The following PPP1R12A variants were observed in gnomAD, a reference collection of about 807,000 sequenced individuals.
PPP1R12A encodes the protein myosin binding subunit.
A neutral mutation model predicts 139.6 loss-of-function variants in PPP1R12A; 19 were observed. That is an observed-to-expected ratio of 0.14 (90% CI 0.09 to 0.20). PPP1R12A has a LOEUF of 0.20. Ranked by LOEUF, PPP1R12A falls within the 10% of genes least tolerant of loss-of-function variation. PPP1R12A has a pLI of 1.00. For missense variants in PPP1R12A, 925 were observed against 1,211.5 expected (o/e 0.76, Z 3.51); for synonymous variants, 427 against 420.6 (o/e 1.02, Z -0.19).
chr12:79,832,359 G>A lies in PPP1R12A; in HGVS notation c.620C>T (p.Ala207Val). Residue 207 changes from alanine (A) to valine (V), a missense_variant, in exon 4 of 25, where the codon GCT becomes GTT. Around this residue, in one of 4 missense-constraint regions of PPP1R12A, gnomAD observed 199 missense variants for 352.4 expected, o/e 0.56. Coordinates refer to ENST00000450142, the MANE Select transcript of PPP1R12A (RefSeq NM_002480.3). ...TAAAACTTCCGTATAGCCTTTAGCA[G>A]CTGCAACGTGAAGTGCTGTACCTCC... is the stretch of plus-strand genomic sequence containing the variant. ...KSGGTALHVAAAKGYTEVLKL... is the reference protein window; with the variant it reads ...KSGGTALHVAVAKGYTEVLKL... The A allele has an allele frequency of 6.2e-7, 1 of 1,612,034 alleles. No homozygotes were observed. The highest frequency in any genetic ancestry group is 8.5e-7 in the Non-Finnish European group (1 of 1,179,264).
At position 79,820,668 on chromosome 12, in the gene PPP1R12A, A is replaced by G; in HGVS notation, c.1114+106T>C. Reference sequence around the variant, plus strand: ...TAATTTAGTAGTGTGGCAGGTATCTAAACAAGTAGCAAATCAGTCTGAAAA... The same window carrying G: ...TAATTTAGTAGTGTGGCAGGTATCTGAACAAGTAGCAAATCAGTCTGAAAA... On this transcript the variant is annotated intron_variant, in intron 8 of 24. Transcript: ENST00000450142. 3 of 1,196,034 alleles carry G rather than the reference A, an allele frequency of 2.5e-6. No individual in the cohort carries two copies. In the South Asian group the frequency reaches 4.5e-5, roughly 18 times the overall value. The allele number at this position is 1,196,034 out of a possible 1,614,324, so 74.1% of individuals were successfully genotyped here. A position where few individuals can be genotyped will look rare whatever the true frequency, so the allele number is the denominator to read the frequency against.
intron 5 of PPP1R12A, chr12:79,825,645 C>T (rs529317528): frequency 6.6e-6 from 1 of 151,834 alleles, no homozygotes; most frequent in African/African-American, 2.4e-5. Context: ...ATCATGTTTT[C>T]TAGTACTAAA....
chr12:79,833,419 A>G (rs1877674548), intron 3 of PPP1R12A, among the ~76,000 whole-genome samples: 1 of 152,164 alleles, frequency 6.6e-6, no homozygotes, highest in Admixed American at 6.5e-5. Context: ...ACTACTTGCT[A>G]TTTAATAAAC....
chr12:79,855,767 A>C (rs192380192), intron 2 of PPP1R12A, among the ~76,000 whole-genome samples: 2 of 152,186 alleles, frequency 1.3e-5, no homozygotes, highest in Admixed American at 1.3e-4. Context: ...GCCTCCCATC[A>C]GTGCAGGTCA....
At chr12:79,885,531 C>T (rs1423549534) in intron 1 of PPP1R12A, among the ~76,000 whole-genome samples, 1 of 151,960 alleles carries the variant, frequency 6.6e-6, no homozygotes, top group African/African-American at 2.4e-5. Context: ...GTCCCACCTG[C>T]CAAAAGTTTC....
intron 3 of PPP1R12A, among the ~76,000 whole-genome samples, chr12:79,835,089 G>T (rs373618327): frequency 1.4e-4 from 21 of 152,158 alleles, no homozygotes; most frequent in African/African-American, 4.8e-4. Context: ...TGGGAGAAAT[G>T]GGCTGAAAAA....
At chr12:79,888,488 CAG>C (rs754769354) in intron 1 of PPP1R12A, among the ~76,000 whole-genome samples, 8 of 152,032 alleles carry the variant, frequency 5.3e-5, no homozygotes, top group Non-Finnish European at 5.9e-5. Flanking sequence ...GGGGAAACAA[CAG>C]AGGGTTGAGA....
intron 23 of PPP1R12A, chr12:79,780,724 A>G (rs978838435): frequency 2.3e-4 from 35 of 152,178 alleles, no homozygotes; most frequent in African/African-American, 8.4e-4. Flanking sequence ...AGTAACAGTT[A>G]AATATTCTAA....
intron 3 of PPP1R12A, among the ~76,000 whole-genome samples, chr12:79,843,939 G>A (rs891366348): frequency 2.0e-5 from 3 of 151,926 alleles, no homozygotes; most frequent in Non-Finnish European, 4.4e-5. Flanking sequence ...TCCTGACCTC[G>A]TGATCTGCCC....
chr12:79,826,904 A>C (rs953949535), intron 5 of PPP1R12A, among the ~76,000 whole-genome samples: 1 of 152,190 alleles, frequency 6.6e-6, no homozygotes, highest in Admixed American at 6.5e-5. Context: ...ACCAATTATC[A>C]GCACTGCCCA....
intron 1 of PPP1R12A, among the ~76,000 whole-genome samples, chr12:79,875,409 G>A (rs1883003157): frequency 1.3e-5 from 2 of 152,130 alleles, no homozygotes; most frequent in African/African-American, 4.8e-5. Flanking sequence ...GGTTTTTTCC[G>A]TCCTAATTCA....
chr12:79,791,971 A>G (rs937103646), intron 19 of PPP1R12A, among the ~76,000 whole-genome samples: 2 of 152,146 alleles, frequency 1.3e-5, no homozygotes, highest in Non-Finnish European at 2.9e-5. Flanking sequence ...TTAATTTTCC[A>G]AAGTAAAAAT....
chr12:79,849,634 C>CA (rs1317242168), intron 2 of PPP1R12A, among the ~76,000 whole-genome samples: 2 of 152,082 alleles, frequency 1.3e-5, no homozygotes, highest in East Asian at 3.9e-4. Flanking sequence ...AACAAAAAAA[C>CA]AGATTTTCAC....
chr12:79,869,201 T>C (rs1882301584), intron 2 of PPP1R12A, among the ~76,000 whole-genome samples: 1 of 152,212 alleles, frequency 6.6e-6, no homozygotes, highest in South Asian at 2.1e-4. Context: ...TGAAGAGCCA[T>C]CATTCATCTA....
At chr12:79,893,017 C>A (rs1884802577) in intron 1 of PPP1R12A, among the ~76,000 whole-genome samples, 1 of 151,504 alleles carries the variant, frequency 6.6e-6, no homozygotes, top group Non-Finnish European at 1.5e-5. Context: ...GGCAGGAGAA[C>A]TGCTTGAACC....
rs146384821 is a variant in PPP1R12A, at chr12:79,883,955, A to G, written c.238-11017T>C. Among the ~76,000 whole-genome samples, 1,220 of 152,310 alleles carry G rather than the reference A, an allele frequency of 8.0e-3. 5 individuals carry two copies. The highest frequency in any genetic ancestry group is 0.014 in the Non-Finnish European group (930 of 67,990). On this transcript the variant is annotated intron_variant, in intron 1 of 24. Coordinates refer to ENST00000450142, the MANE Select transcript of PPP1R12A (RefSeq NM_002480.3). ...ATTTCAGACACGTCCACTGGTTTTT[A>G]TGAGAGCTGAGAAAAGGAGAACTAA...
rs777684899 is a variant in PPP1R12A at position 79,841,051 on chromosome 12, T to TAA, written c.487+4249_487+4250dup. 3.2e-3 allele frequency among the ~76,000 whole-genome samples: 415 copies of TAA among 131,434 alleles called. 2 individuals are homozygous for TAA. The highest frequency in any genetic ancestry group is 0.011 in the African/African-American group (382 of 35,552). The allele number at this position is 131,434 out of a possible 152,430, so 86.2% of individuals were successfully genotyped here. A position where few individuals can be genotyped will look rare whatever the true frequency, so the allele number is the denominator to read the frequency against. ...TGTATGTCTCCAATTCCTTTTTATT[T>TAA]AAAAAAAAAAAAAAAAAAGAGAGAG... On this transcript the variant is annotated intron_variant, in intron 3 of 24. Coordinates refer to ENST00000450142, the MANE Select transcript of PPP1R12A (RefSeq NM_002480.3).
chr12:79,901,783 C>G (rs991874049), intron 1 of PPP1R12A, among the ~76,000 whole-genome samples: 1 of 152,056 alleles, frequency 6.6e-6, no homozygotes, highest in Non-Finnish European at 1.5e-5. Context: ...CAAATAAATA[C>G]GTAATTACAC....
intron 20 of PPP1R12A, among the ~76,000 whole-genome samples, 194 bp from the exon 21 acceptor site, chr12:79,788,977 C>T (rs572571471): frequency 6.6e-6 from 1 of 152,232 alleles, no homozygotes; most frequent in Non-Finnish European, 1.5e-5. Flanking sequence ...CACTCTGCTG[C>T]CCAGCTTGGA....
Sources: gnomAD v4.1 joint callset for allele counts (sites outside exome capture counted in the v4.1 genomes callset) on GRCh38, gnomAD v4.1.1 for gene constraint, gnomAD v4.1.1 regional missense constraint, MANE v1.5 for transcripts, NCBI Gene and HGNC (gene_info 2026-07-23, HGNC 2026-07-21) for gene names.